The following THADA variants were observed in gnomAD, a reference collection of about 807,000 sequenced individuals.
The protein encoded by THADA is THADA armadillo repeat containing, also known as tRNA (32-2'-O)-methyltransferase regulator THADA.
A neutral mutation model predicts 219.8 loss-of-function variants in THADA; 213 were observed. The ratio of observed to expected loss-of-function variants is 0.97; its 90% CI spans 0.87 to 1.09. The LOEUF is 1.09. THADA is among the 50% of genes least tolerant of loss of function. The pLI, the probability that THADA is intolerant of heterozygous loss-of-function variation, is 0.00. For synonymous variants in THADA, 1,018 were observed against 828.9 expected, an observed-to-expected ratio of 1.23 and a Z score of -3.92; for missense variants, 2,956 against 2,311.3, an observed-to-expected ratio of 1.28 and a Z score of -5.72.
At chr2:43,515,547 G>A (rs149461415) in intron 22 of THADA, among the ~76,000 whole-genome samples, 72 of 147,692 alleles carry the variant, frequency 4.9e-4, no homozygotes, top group African/African-American at 1.7e-3. Context: ...TATACATAAC[G>A]ATAGTTCCAT....
chr2:43,266,175 G>A (rs986085742), intron 36 of THADA, among the ~76,000 whole-genome samples: 1 of 152,184 alleles, frequency 6.6e-6, no homozygotes, highest in Non-Finnish European at 1.5e-5. Context: ...CTTGCCGGGA[G>A]GCTGAGCAGG....
chr2:43,429,585 G>C (rs1163392607), intron 27 of THADA, among the ~76,000 whole-genome samples: 1 of 151,948 alleles, frequency 6.6e-6, no homozygotes, highest in Non-Finnish European at 1.5e-5. Flanking sequence ...GTTGCAACAA[G>C]CCAGTAATAA....
chr2:43,508,284 G>C (rs1689958842), intron 23 of THADA, among the ~76,000 whole-genome samples: 1 of 152,080 alleles, frequency 6.6e-6, no homozygotes, highest in Admixed American at 6.6e-5. Context: ...TGAAGGTCTT[G>C]AGATGAAAGG....
chr2:43,452,854 T>C (rs2104900632), intron 26 of THADA, among the ~76,000 whole-genome samples: 1 of 152,354 alleles, frequency 6.6e-6, no homozygotes, highest in East Asian at 1.9e-4. Context: ...ATAAGTCTCC[T>C]GTCTCTCCTG....
At chr2:43,482,559 T>C (rs1686360090) in intron 26 of THADA, among the ~76,000 whole-genome samples, 1 of 152,204 alleles carries the variant, frequency 6.6e-6, no homozygotes, top group South Asian at 2.1e-4. Context: ...TTTGTCTCAG[T>C]TGATTATAGT....
intron 35 of THADA, among the ~76,000 whole-genome samples, chr2:43,282,231 T>C (rs912613699): frequency 2.0e-5 from 3 of 152,224 alleles, no homozygotes; most frequent in African/African-American, 7.2e-5. Flanking sequence ...CTAAGGTTTG[T>C]CACCCTTTGC....
At chr2:43,585,692 A>G (rs12466030) in intron 7 of THADA, among the ~76,000 whole-genome samples, 55,287 of 151,808 alleles carry the variant, frequency 0.36, 10,655 homozygotes, top group African/African-American at 0.49. Flanking sequence ...GGAAGAAACA[A>G]AGACTATGTA....
At chr2:43,545,807 A>C (rs1695951559) in intron 20 of THADA, among the ~76,000 whole-genome samples, 2 of 151,538 alleles carry the variant, frequency 1.3e-5, no homozygotes, top group South Asian at 4.2e-4. Context: ...AATTTTGTTG[A>C]TCCTTTCAAA....
intron 26 of THADA, among the ~76,000 whole-genome samples, chr2:43,440,557 G>C (rs954182057): frequency 2.0e-5 from 3 of 152,080 alleles, no homozygotes; most frequent in African/African-American, 7.2e-5. Flanking sequence ...TCCTTTCCTT[G>C]GCTTTTGATT....
chr2:43,510,802 C>A (rs1047370604), intron 22 of THADA, among the ~76,000 whole-genome samples: 2 of 151,598 alleles, frequency 1.3e-5, no homozygotes, highest in Non-Finnish European at 2.9e-5. Context: ...GAAACCCTAT[C>A]TCTACTAAAA....
intron 28 of THADA, among the ~76,000 whole-genome samples, chr2:43,421,626 G>C (rs1677732826): frequency 6.6e-6 from 1 of 152,194 alleles, no homozygotes; most frequent in Admixed American, 6.5e-5. Flanking sequence ...AGACTCAGAT[G>C]TTCTTTTGCT....
At chr2:43,469,701 A>C (rs945728185) in intron 26 of THADA, among the ~76,000 whole-genome samples, 3 of 152,218 alleles carry the variant, frequency 2.0e-5, no homozygotes, top group Admixed American at 1.3e-4. Flanking sequence ...CTCTCTCTGC[A>C]TAAGAGAATA....
At chr2:43,388,505 T>C (rs1672968020) in intron 29 of THADA, among the ~76,000 whole-genome samples, 1 of 152,190 alleles carries the variant, frequency 6.6e-6, no homozygotes, top group Non-Finnish European at 1.5e-5. Context: ...AATTTCTCCC[T>C]TCCCATGATA....
At chr2:43,582,480 G>C (rs1214410175) in intron 7 of THADA, among the ~76,000 whole-genome samples, 4 of 144,200 alleles carry the variant, frequency 2.8e-5, no homozygotes, top group South Asian at 2.3e-4. Context: ...CTGGGTGAGA[G>C]AGCAAGACAC....
intron 26 of THADA, among the ~76,000 whole-genome samples, chr2:43,479,066 T>G (rs1685870512): frequency 2.0e-5 from 3 of 152,192 alleles, no homozygotes; most frequent in African/African-American, 4.8e-5. Flanking sequence ...GGAAAATGCA[T>G]GAATGACACT....
chr2:43,327,085 A>G (rs1178152990), intron 30 of THADA, among the ~76,000 whole-genome samples: 1 of 152,154 alleles, frequency 6.6e-6, no homozygotes, highest in Non-Finnish European at 1.5e-5. Flanking sequence ...AGAAAAAAAT[A>G]CACATAAAAA....
At chr2:43,349,323 C>T (rs1463688534) in intron 29 of THADA, among the ~76,000 whole-genome samples, 1 of 152,162 alleles carries the variant, frequency 6.6e-6, no homozygotes, top group African/African-American at 2.4e-5. Context: ...ACTCTAAACA[C>T]AGAGAGACTC....
At chr2:43,535,209 G>T (rs1574128027) in intron 21 of THADA, among the ~76,000 whole-genome samples, 1 of 99,536 alleles carries the variant, frequency 1.0e-5, no homozygotes, top group Non-Finnish European at 1.9e-5. Context: ...TGAGATGTTT[G>T]AGGTCCCTGT....
rs561025090 is a variant in THADA, at chr2:43,575,911, A to C, written c.1038-884T>G. On this transcript the variant is annotated intron_variant, in intron 10 of 37. Coordinates refer to ENST00000405975, the MANE Select transcript of THADA (RefSeq NM_022065.5). ...GGGAATGGGGCTTCTCTGTGATAAA[A>C]ATATTCTAAAGTTGTTTGAATTAAC... Among the ~76,000 whole-genome samples the C allele has an allele frequency of 9.7e-4, 148 of 152,320 alleles. 1 individual carries two copies. The highest frequency in any genetic ancestry group is 3.4e-3 in the African/African-American group (140 of 41,582).
Sources: gnomAD v4.1 joint callset for allele counts (sites outside exome capture counted in the v4.1 genomes callset) on GRCh38, gnomAD v4.1.1 for gene constraint, MANE v1.5 for transcripts, NCBI Gene and HGNC (gene_info 2026-07-23, HGNC 2026-07-21) for gene names.